Variants in TMEM74 observed in about 807,000 individuals in gnomAD.
The protein encoded by TMEM74 is transmembrane protein 74.
Under a neutral mutation model 18.1 loss-of-function variants are expected in TMEM74, and 13 were observed. The observed-to-expected ratio is 0.72, with a 90% confidence interval of 0.47 to 1.14. TMEM74 has a LOEUF of 1.14. Ranked by LOEUF, TMEM74 falls within the 50% of genes most tolerant of loss-of-function variation. TMEM74 has a pLI of 0.00. For synonymous variants in TMEM74, 159 were observed against 146.6 expected (o/e 1.08, Z -0.61); for missense variants, 372 against 375.9 (o/e 0.99, Z 0.09).
chr8:108,621,887 C>G (rs1386580050), intron 2 of TMEM74, among the ~76,000 whole-genome samples: 2 of 152,052 alleles, frequency 1.3e-5, no homozygotes, highest in East Asian at 3.9e-4. Context: ...ACAACAGAGC[C>G]AGGCACAAAA....
At chr8:108,769,792 C>T (rs188356936) in intron 1 of TMEM74, among the ~76,000 whole-genome samples, 13 of 152,146 alleles carry the variant, frequency 8.5e-5, no homozygotes, top group African/African-American at 2.9e-4. Flanking sequence ...AAAACAGGTG[C>T]ACAATGATCA....
intron 1 of TMEM74, among the ~76,000 whole-genome samples, chr8:108,704,136 T>C (rs1813365911): frequency 6.6e-6 from 1 of 152,218 alleles, no homozygotes; most frequent in Non-Finnish European, 1.5e-5. Context: ...TCAACTTGCC[T>C]GTTTATATCT....
chr8:108,652,749 C>T, intron 2 of TMEM74: 1 of 521,154 alleles, frequency 1.9e-6, no homozygotes, highest in Non-Finnish European at 3.6e-6. Flanking sequence ...GGAAGACAAA[C>T]ACTCAGGACA....
intron 1 of TMEM74, among the ~76,000 whole-genome samples, chr8:108,710,451 G>A (rs1813463192): frequency 6.6e-6 from 1 of 152,170 alleles, no homozygotes; most frequent in African/African-American, 2.4e-5. Context: ...TTTCTTCCTT[G>A]TCAGGTTCAC....
At chr8:108,746,934 C>T (rs1326465602) in intron 1 of TMEM74, among the ~76,000 whole-genome samples, 1 of 152,100 alleles carries the variant, frequency 6.6e-6, no homozygotes, top group African/African-American at 2.4e-5. Context: ...TCTCTTCCAT[C>T]TGGTTGTTCC....
At chr8:108,767,466 A>G (rs904832827) in intron 1 of TMEM74, among the ~76,000 whole-genome samples, 3 of 152,192 alleles carry the variant, frequency 2.0e-5, no homozygotes, top group Non-Finnish European at 1.5e-5. Flanking sequence ...AATAGGGTCA[A>G]TATAGGAAGG....
downstream of TMEM74, among the ~76,000 whole-genome samples, chr8:108,774,944 G>C (rs1448470845): frequency 6.6e-6 from 1 of 151,914 alleles, no homozygotes; most frequent in Non-Finnish European, 1.5e-5. Context: ...CAAGGAGGAA[G>C]ACTAAAGGAC....
chr8:108,624,432 T>C (rs1223049517), intron 2 of TMEM74, among the ~76,000 whole-genome samples: 3 of 152,074 alleles, frequency 2.0e-5, no homozygotes, highest in Non-Finnish European at 2.9e-5. Context: ...AAAAATTGTA[T>C]CTGTAACTGA....
chr8:108,760,762 C>T (rs1814034576), intron 1 of TMEM74, among the ~76,000 whole-genome samples: 1 of 151,912 alleles, frequency 6.6e-6, no homozygotes, highest in Non-Finnish European at 1.5e-5. Flanking sequence ...AGCGATGTAA[C>T]CCTACACCAT....
chr8:108,689,842 C>T lies in TMEM74; in HGVS notation n.120-34405G>A, dbSNP rs529592855. Among the ~76,000 whole-genome samples the T allele has an allele frequency of 1.8e-4, 27 of 152,216 alleles. 1 individual carries two copies. The South Asian group carries it at 5.0e-3, about 28-fold the overall frequency. On this transcript the variant is annotated intron_variant and non_coding_transcript_variant, in intron 1 of 3. Transcript: ENST00000518838. ...GTCATTAAAACCCAGTTTATCATTC[C>T]TGTTGGTGTTGTTCTTCCCACTTCA... is the stretch of plus-strand genomic sequence containing the variant.
chr8:108,623,100 C>A (rs1812459394), intron 2 of TMEM74, among the ~76,000 whole-genome samples: 1 of 151,972 alleles, frequency 6.6e-6, no homozygotes, highest in Non-Finnish European at 1.5e-5. Flanking sequence ...AAAAACTAAC[C>A]AACTCACAAT....
intron 1 of TMEM74, among the ~76,000 whole-genome samples, chr8:108,678,791 C>T (rs1309171372): frequency 6.6e-6 from 1 of 150,780 alleles, no homozygotes; most frequent in Non-Finnish European, 1.5e-5. Flanking sequence ...TACACATGCA[C>T]AATGTGCAGG....
chr8:108,743,949 A>T (rs935262638), intron 1 of TMEM74, among the ~76,000 whole-genome samples: 2 of 152,150 alleles, frequency 1.3e-5, no homozygotes, highest in Admixed American at 1.3e-4. Context: ...GACAGTTTTT[A>T]CCTAGGGATT....
At chr8:108,680,212 A>G (rs1283411141) in intron 1 of TMEM74, among the ~76,000 whole-genome samples, 1 of 152,172 alleles carries the variant, frequency 6.6e-6, no homozygotes, top group Non-Finnish European at 1.5e-5. Context: ...AGACACAACC[A>G]AAAAAGAGAA....
At chr8:108,607,355 C>T (rs1465633984) in exon 4 of TMEM74, 1 of 152,136 alleles carries the variant, frequency 6.6e-6, no homozygotes, top group Non-Finnish European at 1.5e-5. Flanking sequence ...GTAAAATGCA[C>T]AATATATACA....
intron 2 of TMEM74, among the ~76,000 whole-genome samples, chr8:108,648,309 A>G (rs1190799757): frequency 6.6e-6 from 1 of 152,082 alleles, no homozygotes. Flanking sequence ...CTATGTTTTT[A>G]TGAGCATGAG....
In TMEM74 at chr8:108,779,722, T is replaced by C. The variant is rs951587941; in HGVS notation, c.*4459A>G. Among the ~76,000 whole-genome samples the C allele has an allele frequency of 6.6e-6, 1 of 152,162 alleles. No individual in the cohort carries two copies. Among genetic ancestry groups the C allele is most frequent in the Non-Finnish European group, 1.5e-5 (1 of 68,024 alleles). On this transcript the variant is annotated 3_prime_UTR_variant, in exon 2 of 2. Transcript: ENST00000297459. ...TTATTCTAACAATAACTTTGGATATTAAAGCTGTATAACTATAAAATATAG... is the reference window on the plus strand; with the variant it reads ...TTATTCTAACAATAACTTTGGATATCAAAGCTGTATAACTATAAAATATAG...
In TMEM74 at chr8:108,653,098, C is replaced by T. The variant is rs929439958; in HGVS notation, n.264+2195G>A. Reference sequence around the variant, plus strand: ...GATGAAAGCATTCAGAAGAAGGTGACATTTCAAAAGGCCCAGGAATACTCT... The same window carrying T: ...GATGAAAGCATTCAGAAGAAGGTGATATTTCAAAAGGCCCAGGAATACTCT... On this transcript the variant is annotated intron_variant and non_coding_transcript_variant, in intron 2 of 3. Coordinates refer to the TMEM74 transcript ENST00000518838. The T allele has an allele frequency of 2.3e-5, 4 of 176,252 alleles. No individual in the cohort carries two copies. In the South Asian group the frequency reaches 3.8e-4, roughly 17 times the overall value. 10.9% of individuals were successfully genotyped at this position (176,252 alleles called of 1,614,324 possible).
intron 1 of TMEM74, among the ~76,000 whole-genome samples, chr8:108,663,073 A>G (rs901031626): frequency 6.6e-6 from 1 of 152,194 alleles, no homozygotes; most frequent in African/African-American, 2.4e-5. Flanking sequence ...AATAGCAACA[A>G]AAGCAAAAAT....
Sources: gnomAD v4.1 joint callset for allele counts (sites outside exome capture counted in the v4.1 genomes callset) on GRCh38, gnomAD v4.1.1 for gene constraint, MANE v1.5 for transcripts, NCBI Gene and HGNC (gene_info 2026-07-23, HGNC 2026-07-21) for gene names.